MALRD1: variants seen among roughly 807,000 people sequenced by gnomAD.
MALRD1 encodes the protein MAM and LDL-receptor class A domain-containing protein 1.
MALRD1 carries 247 observed loss-of-function variants against 242.1 expected under a neutral mutation model. That is an observed-to-expected ratio of 1.02 (90% CI 0.92 to 1.13). The LOEUF (loss-of-function observed/expected upper bound fraction) is 1.13, where lower values mean the gene tolerates loss of function less well. Ranked by LOEUF, MALRD1 falls within the 50% of genes most tolerant of loss-of-function variation. The pLI, the probability that MALRD1 is intolerant of heterozygous loss-of-function variation, is 0.00. For synonymous variants in MALRD1, 995 were observed against 866.6 expected, an observed-to-expected ratio of 1.15 and a Z score of -2.60; for missense variants, 2,989 against 2,533.1, an observed-to-expected ratio of 1.18 and a Z score of -3.86.
intron 2 of MALRD1, among the ~76,000 whole-genome samples, chr10:19,076,812 T>C (rs958873388): frequency 6.6e-6 from 1 of 151,964 alleles, no homozygotes; most frequent in Non-Finnish European, 1.5e-5. Flanking sequence ...TAGTATTAAT[T>C]TGCAAATTTC....
At chr10:19,501,433 T>C (rs184329841) in intron 31 of MALRD1, among the ~76,000 whole-genome samples, 313 of 152,266 alleles carry the variant, frequency 2.1e-3, no homozygotes, top group African/African-American at 7.3e-3. Flanking sequence ...AAATCCACAA[T>C]GTGCAATATT....
chr10:19,376,556 T>A (rs974320095), intron 26 of MALRD1, among the ~76,000 whole-genome samples: 2 of 142,768 alleles, frequency 1.4e-5, no homozygotes, highest in Non-Finnish European at 3.1e-5. Flanking sequence ...TTTTTTTTTT[T>A]TTTTTTTTTT....
chr10:19,351,075 C>T lies in MALRD1; in HGVS notation c.4150-931C>T, dbSNP rs574685745. ...ATGGCTCACCCATTCTTGGTTGATCCTTTTTGAATTAATGCACTGCATATA... is the reference window on the plus strand; with the variant it reads ...ATGGCTCACCCATTCTTGGTTGATCTTTTTTGAATTAATGCACTGCATATA... On this transcript the variant is annotated intron_variant, in intron 25 of 39. Transcript: ENST00000454679. Among the ~76,000 whole-genome samples, 4 of 152,316 alleles carry T rather than the reference C, an allele frequency of 2.6e-5. No homozygotes were observed. In the East Asian group the frequency reaches 7.7e-4, roughly 29 times the overall value.
At chr10:19,245,352 A>G (rs1478590635) in intron 18 of MALRD1, among the ~76,000 whole-genome samples, 1 of 152,194 alleles carries the variant, frequency 6.6e-6, no homozygotes, top group African/African-American at 2.4e-5. Context: ...AGGAGACTAC[A>G]AGGTACAAAC....
intron 5 of MALRD1, among the ~76,000 whole-genome samples, chr10:19,113,816 C>CACACACACACACACACACAG (rs1836771440): frequency 6.8e-6 from 1 of 147,396 alleles, no homozygotes; most frequent in African/African-American, 2.5e-5. Context: ...CACACACACA[C>CACACACACACACACACACAG]ACACACACAC....
chr10:19,097,429 C>G (rs1040431563), intron 4 of MALRD1, among the ~76,000 whole-genome samples: 2 of 152,194 alleles, frequency 1.3e-5, no homozygotes, highest in African/African-American at 4.8e-5. Flanking sequence ...GGTAAAACAA[C>G]AATTTTAGGC....
intron 29 of MALRD1, among the ~76,000 whole-genome samples, chr10:19,452,804 C>G (rs114739861): frequency 1.2e-3 from 186 of 152,230 alleles, no homozygotes; most frequent in African/African-American, 4.3e-3. Context: ...TTTAGCAAAA[C>G]ACGTCAAAGT....
intron 32 of MALRD1, among the ~76,000 whole-genome samples, chr10:19,567,046 A>C (rs944332851): frequency 6.6e-6 from 1 of 152,178 alleles, no homozygotes; most frequent in Non-Finnish European, 1.5e-5. Context: ...TTCTGTCTTC[A>C]AAATGTTAAA....
rs566198921 is a variant in MALRD1 at position 19,087,632 on chromosome 10, G to A, written c.341-208G>A. 1.8e-4 allele frequency among the ~76,000 whole-genome samples: 28 copies of A among 151,722 alleles called. No individual in the cohort carries two copies. In the South Asian group the frequency reaches 5.2e-3, roughly 28 times the overall value. ...AGATGTTTTGATACAGGTATCCAATGCGTAATAATCACATCATGGAGAATG... is the reference window on the plus strand; with the variant it reads ...AGATGTTTTGATACAGGTATCCAATACGTAATAATCACATCATGGAGAATG... On this transcript the variant is annotated intron_variant, in intron 2 of 39. Transcript: ENST00000454679.
chr10:19,084,305 T>A (rs1283170012), intron 2 of MALRD1, among the ~76,000 whole-genome samples: 2 of 151,964 alleles, frequency 1.3e-5, no homozygotes, highest in Non-Finnish European at 2.9e-5. Context: ...TTATCCGAAC[T>A]AAACTATGTG....
At chr10:19,366,247 G>A (rs1213315105) in intron 26 of MALRD1, among the ~76,000 whole-genome samples, 3 of 151,748 alleles carry the variant, frequency 2.0e-5, no homozygotes, top group African/African-American at 7.3e-5. Flanking sequence ...CGGGGGTGAT[G>A]GGAGGCAGTG....
At position 19,315,196 on chromosome 10, in the gene MALRD1, T is replaced by G. The variant is rs1349219608; in HGVS notation, c.3420-8753T>G. ...TTTATATAAATATATAAATATAATT[T>G]ATAGAAATATAATTTATATAAATAT... On this transcript the variant is annotated intron_variant, in intron 21 of 39. Transcript: ENST00000454679. 2.1e-3 allele frequency among the ~76,000 whole-genome samples: 263 copies of G among 124,328 alleles called. 4 individuals are homozygous for G. Among genetic ancestry groups the G allele is most frequent in the African/African-American group, 8.0e-3 (256 of 31,972 alleles). The allele number at this position is 124,328 out of a possible 152,430, so 81.6% of individuals were successfully genotyped here. A position where few individuals can be genotyped will look rare whatever the true frequency, so the allele number is the denominator to read the frequency against.
chr10:19,628,800 A>T (rs758457376), intron 36 of MALRD1, among the ~76,000 whole-genome samples: 4 of 152,212 alleles, frequency 2.6e-5, no homozygotes, highest in Non-Finnish European at 5.9e-5. Flanking sequence ...TTATATTTTT[A>T]AAAATACTAA....
At chr10:19,680,573 G>T (rs1441969400) in intron 36 of MALRD1, among the ~76,000 whole-genome samples, 5 of 152,084 alleles carry the variant, frequency 3.3e-5, no homozygotes, top group East Asian at 1.9e-4. Flanking sequence ...ACACCGATGG[G>T]TCTTGACTCT....
At chr10:19,719,146 T>A (rs1290880616) in intron 38 of MALRD1, among the ~76,000 whole-genome samples, 1 of 106,280 alleles carries the variant, frequency 9.4e-6, no homozygotes, top group East Asian at 2.7e-4. Context: ...AGCAAGACAC[T>A]GTCCAAATTA....
At chr10:19,636,898 C>CAAA (rs5783689) in intron 36 of MALRD1, among the ~76,000 whole-genome samples, 3,203 of 95,138 alleles carry the variant, frequency 0.034, 65 homozygotes, top group Middle Eastern at 0.082. Flanking sequence ...GACTCTGTCT[C>CAAA]AAAAAAAAAA....
rs376363040 is a variant in MALRD1, at chr10:19,553,060, C to T, written c.5479-14442C>T. On this transcript the variant is annotated intron_variant, in intron 32 of 39. Transcript: ENST00000454679. ...ATGATAATTTCTAGATACTCTCCTA[C>T]TAGAAATGAATGTTTAAAAGTCCTA... 1.2e-4 allele frequency among the ~76,000 whole-genome samples: 19 copies of T among 152,176 alleles called. No homozygotes were observed. The East Asian group carries it at 3.1e-3, about 25-fold the overall frequency.
intron 36 of MALRD1, among the ~76,000 whole-genome samples, chr10:19,666,712 G>A (rs1402685105): frequency 6.6e-6 from 1 of 152,142 alleles, no homozygotes; most frequent in Non-Finnish European, 1.5e-5. Flanking sequence ...AGCTAAAGTA[G>A]ATGGAGAAAA....
intron 28 of MALRD1, among the ~76,000 whole-genome samples, chr10:19,391,634 C>A: frequency 6.6e-6 from 1 of 152,288 alleles, no homozygotes. Context: ...CCCTCCACAC[C>A]GAGTCGCACC....
Sources: allele counts gnomAD v4.1 joint callset (sites outside exome capture counted in the v4.1 genomes callset), GRCh38; gene constraint gnomAD v4.1.1; transcripts MANE v1.5; gene names NCBI Gene and HGNC (gene_info 2026-07-23, HGNC 2026-07-21).